BLTP1: variants seen among roughly 807,000 people sequenced by gnomAD.
BLTP1 encodes fragile site-associated protein.
At chr4:122,319,618 T>G in the BLTP1 span, among the ~76,000 whole-genome samples, 1 of 151,268 alleles carries the variant, frequency 6.6e-6, no homozygotes, top group African/African-American at 2.4e-5. Context: ...CTTGGTGTAC[T>G]GCAACCACCA....
At chr4:122,229,843 G>T in the BLTP1 span, 1 of 1,430,934 alleles carries the variant, frequency 7.0e-7, no homozygotes, top group Non-Finnish European at 9.2e-7. Flanking sequence ...TACTCTATTT[G>T]AAATGATCAC....
At chr4:122,324,534 A>G in the BLTP1 span, 1 of 1,605,798 alleles carries the variant, frequency 6.2e-7, no homozygotes, top group Admixed American at 1.7e-5. Context: ...TGGAAAGGGC[A>G]AGGTAATATA....
the BLTP1 span, chr4:122,346,104 T>A: frequency 1.8e-6 from 1 of 559,804 alleles, no homozygotes; most frequent in Non-Finnish European, 2.3e-6. Context: ...ATGTAAACCC[T>A]ATAGAAACTA....
At chr4:122,245,196 G>A in the BLTP1 span, 4 of 1,476,132 alleles carry the variant, frequency 2.7e-6, no homozygotes, top group South Asian at 2.4e-5. Context: ...CATGGTTACA[G>A]AATATTCAAA....
chr4:122,179,733 T>C, the BLTP1 span: 5 of 525,098 alleles, frequency 9.5e-6, 1 homozygote, highest in Admixed American at 1.9e-4. Flanking sequence ...GGTACACTTA[T>C]GTACAGAGAA....
the BLTP1 span, chr4:122,164,277 C>T: frequency 4.5e-5 from 20 of 449,090 alleles, no homozygotes; most frequent in African/African-American, 3.4e-4. Context: ...CAAAAAAAGC[C>T]GTTTTCCCAA....
the BLTP1 span, among the ~76,000 whole-genome samples, chr4:122,178,643 A>G: frequency 6.6e-6 from 1 of 152,288 alleles, no homozygotes; most frequent in East Asian, 1.9e-4. Flanking sequence ...TGAATACTAA[A>G]ATATTGTAAG....
chr4:122,199,327 C>G, the BLTP1 span: 2 of 1,603,142 alleles, frequency 1.2e-6, no homozygotes, highest in African/African-American at 2.7e-5. Flanking sequence ...AATTGTTTTC[C>G]TGGTTCTTAG....
At chr4:122,289,806 G>T in the BLTP1 span, 2 of 982,176 alleles carry the variant, frequency 2.0e-6, no homozygotes, top group Non-Finnish European at 2.4e-6. Context: ...TATGCTCATG[G>T]ATTAATTCAT....
At chr4:122,208,401 A>G in the BLTP1 span, 54 of 985,100 alleles carry the variant, frequency 5.5e-5, no homozygotes, top group Non-Finnish European at 6.4e-5. Context: ...AAGATGAACA[A>G]AGAATAGAAG....
At chr4:122,238,877 A>G in the BLTP1 span, among the ~76,000 whole-genome samples, 1 of 151,740 alleles carries the variant, frequency 6.6e-6, no homozygotes, top group Non-Finnish European at 1.5e-5. Context: ...CACTTACTCT[A>G]TATTATTTCC....
At chr4:122,208,431 A>T in the BLTP1 span, 1 of 984,582 alleles carries the variant, frequency 1.0e-6, no homozygotes, top group Non-Finnish European at 1.2e-6. Flanking sequence ...GAAAAAAGTA[A>T]AGCCAAATGA....
chr4:122,281,797 C>T, the BLTP1 span: 5 of 1,477,266 alleles, frequency 3.4e-6, no homozygotes, highest in Non-Finnish European at 3.6e-6. Flanking sequence ...TCTGAATTCA[C>T]TCTCTTAAAA....
the BLTP1 span, among the ~76,000 whole-genome samples, chr4:122,199,073 G>A: frequency 6.6e-6 from 1 of 152,140 alleles, no homozygotes; most frequent in East Asian, 1.9e-4. Context: ...GTTGTGTTCT[G>A]TAACTGAAAA....
At chr4:122,268,079 C>G in the BLTP1 span, among the ~76,000 whole-genome samples, 1 of 152,056 alleles carries the variant, frequency 6.6e-6, no homozygotes, top group African/African-American at 2.4e-5. Flanking sequence ...CAAGCTGAAA[C>G]TACAAGGCAA....
the BLTP1 span, chr4:122,331,279 G>C: frequency 6.5e-7 from 1 of 1,544,944 alleles, no homozygotes; most frequent in South Asian, 1.2e-5. Context: ...TTGTTAAAAA[G>C]AACTCTCATT....
chr4:122,270,948 AT>A, the BLTP1 span: 1 of 1,465,006 alleles, frequency 6.8e-7, no homozygotes, highest in Non-Finnish European at 9.0e-7. Context: ...TTGCCTATAA[AT>A]TAATAAAGAT....
At chr4:122,321,973 C>A in the BLTP1 span, among the ~76,000 whole-genome samples, 4 of 43,702 alleles carry the variant, frequency 9.2e-5, no homozygotes, top group Non-Finnish European at 1.7e-4. Flanking sequence ...GATATAACTA[C>A]ATGTAATTTT....
the BLTP1 span, chr4:122,189,446 T>A: frequency 1.0e-6 from 1 of 979,482 alleles, no homozygotes; most frequent in Non-Finnish European, 1.2e-6. Context: ...TTATTTCAAG[T>A]TGATTAAATA....
Sources: allele counts gnomAD v4.1 joint callset (sites outside exome capture counted in the v4.1 genomes callset), GRCh38; gene constraint gnomAD v4.1.1; transcripts MANE v1.5; gene names NCBI Gene and HGNC (gene_info 2026-07-23, HGNC 2026-07-21).